CCDC190: variants seen among roughly 807,000 people sequenced by gnomAD.
CCDC190 encodes coiled-coil domain-containing protein 190.
A neutral mutation model predicts 13.1 loss-of-function variants in CCDC190; 10 were observed. That is an observed-to-expected ratio of 0.77 (90% CI 0.47 to 1.30). The LOEUF (loss-of-function observed/expected upper bound fraction) is 1.30, where lower values mean the gene tolerates loss of function less well. Ranked by LOEUF, CCDC190 falls within the 50% of genes most tolerant of loss-of-function variation. The pLI, the probability that CCDC190 is intolerant of heterozygous loss-of-function variation, is 0.00. For synonymous variants in CCDC190, 136 were observed against 127.2 expected, an observed-to-expected ratio of 1.07 and a Z score of -0.47; for missense variants, 375 against 354.3, an observed-to-expected ratio of 1.06 and a Z score of -0.47.
At chr1:162,865,735 T>A (rs932013954), upstream of CCDC190, among the ~76,000 whole-genome samples, 12 of 152,192 alleles carry the variant, frequency 7.9e-5, no homozygotes, top group African/African-American at 2.4e-4. Context: ...TTCATCAAAC[T>A]AGGAATAGAA....
chr1:162,854,573 C>T lies in CCDC190; in HGVS notation c.*192G>A. 1 of 1,358,638 alleles carries T rather than the reference C, an allele frequency of 7.4e-7. No homozygotes were observed. Among genetic ancestry groups the T allele is most frequent in the Non-Finnish European group, 9.5e-7 (1 of 1,057,914 alleles). 84.2% of individuals were successfully genotyped at this position (1,358,638 alleles called of 1,614,324 possible). A position where few individuals can be genotyped will look rare whatever the true frequency, so the allele number is the denominator to read the frequency against. On this transcript the variant is annotated 3_prime_UTR_variant, in exon 4 of 4. Transcript: ENST00000367912. Reference sequence around the variant, plus strand: ...AATATTTTCAGAAGATTCATTCTTCCTCTCCTTTTTCATATATTAGCATTG... The same window carrying T: ...AATATTTTCAGAAGATTCATTCTTCTTCTCCTTTTTCATATATTAGCATTG...
At chr1:162,862,796 G>C (rs1650566050), upstream of CCDC190, among the ~76,000 whole-genome samples, 1 of 152,170 alleles carries the variant, frequency 6.6e-6, no homozygotes, top group South Asian at 2.1e-4. Context: ...AAAGACAAGG[G>C]AGAGGAGGTA....
chr1:162,859,656 G>T lies in CCDC190; in HGVS notation c.-10C>A. ...CCATGTGCCTCTCCATCTTCTTTATGGTCTAGAGACAATAAGGTATCACAA... is the reference window on the plus strand; with the variant it reads ...CCATGTGCCTCTCCATCTTCTTTATTGTCTAGAGACAATAAGGTATCACAA... On this transcript the variant is annotated splice_region_variant and 5_prime_UTR_variant, in exon 2 of 4. Transcript: ENST00000367912. 6.2e-7 allele frequency: 1 copy of T among 1,609,010 alleles called. No homozygotes were observed. Among genetic ancestry groups the T allele is most frequent in the Non-Finnish European group, 8.5e-7 (1 of 1,177,622 alleles).
At chr1:162,861,533 T>C (rs1360010165), upstream of CCDC190, among the ~76,000 whole-genome samples, 1 of 152,162 alleles carries the variant, frequency 6.6e-6, no homozygotes, top group African/African-American at 2.4e-5. Flanking sequence ...CACCGTTTTT[T>C]CTGTCATGAC....
At chr1:162,859,393 G>T in intron 2 of CCDC190, 67 bp downstream of exon 2, 1 of 1,424,772 alleles carries the variant, frequency 7.0e-7, no homozygotes, top group East Asian at 2.3e-5. Context: ...GGGCCTCAGC[G>T]GAGTGATGGG....
chr1:162,861,254 C>A (rs1324480120), upstream of CCDC190, among the ~76,000 whole-genome samples: 1 of 152,164 alleles, frequency 6.6e-6, no homozygotes, highest in Non-Finnish European at 1.5e-5. Context: ...CCAATCCCTG[C>A]TGGAGAGGCC....
At position 162,858,408 on chromosome 1, in the gene CCDC190, G is replaced by T. The variant is rs537646211; in HGVS notation, c.187+1052C>A. 2.6e-5 allele frequency among the ~76,000 whole-genome samples: 4 copies of T among 152,312 alleles called. No homozygotes were observed. The South Asian group carries it at 8.3e-4, about 32-fold the overall frequency. On this transcript the variant is annotated intron_variant, in intron 2 of 3. Transcript: ENST00000367912. ...TTCCAGTATGTGAGCTCTCATTCTA[G>T]GTTGGTTTAACCATTTATTGCAGAC... is the stretch of plus-strand genomic sequence containing the variant.
chr1:162,852,899 C>G lies in CCDC190; in HGVS notation c.*1866G>C. ...TTGTGATGACGATAGGCAAGGCTTG[C>G]GTAGAAGACAAGAAGAAAGAACTTT... On this transcript the variant is annotated 3_prime_UTR_variant, in exon 4 of 4. Coordinates refer to ENST00000367912, the MANE Select transcript of CCDC190 (RefSeq NM_001394065.1). 1.8e-6 allele frequency: 1 copy of G among 555,658 alleles called. No individual in the cohort carries two copies. Among genetic ancestry groups the G allele is most frequent in the South Asian group, 2.3e-5 (1 of 43,404 alleles). The allele number at this position is 555,658 out of a possible 1,614,324, so 34.4% of individuals were successfully genotyped here. A position where few individuals can be genotyped will look rare whatever the true frequency, so the allele number is the denominator to read the frequency against.
intron 2 of CCDC190, among the ~76,000 whole-genome samples, chr1:162,856,933 C>G (rs568490958): frequency 6.6e-6 from 1 of 152,250 alleles, no homozygotes. Flanking sequence ...CCAGCAAGAT[C>G]TGTTTTCTGA....
rs370258122 is a variant in CCDC190, at chr1:162,855,763, G to A, written c.188-8C>T. 3 of 1,579,810 alleles carry A rather than the reference G, an allele frequency of 1.9e-6. No homozygotes were observed. Among genetic ancestry groups the A allele is most frequent in the Non-Finnish European group, 2.6e-6 (3 of 1,160,088 alleles). ...ACTTTTTCTTCATGGTTTCTGCTTT[G>A]AGTTAATTAAGAAGTGTTATGAGTT... On this transcript the variant is annotated splice_region_variant and splice_polypyrimidine_tract_variant and intron_variant, in intron 2 of 3. Coordinates refer to ENST00000367912, the MANE Select transcript of CCDC190 (RefSeq NM_001394065.1).
chr1:162,851,739 G>T lies in CCDC190; in HGVS notation c.*3026C>A, dbSNP rs1307868000. On this transcript the variant is annotated 3_prime_UTR_variant, in exon 4 of 4. Transcript: ENST00000367912. ...GATCATCTGTCCCCAGTACATCTCTGAATGAATGAATGAATGAATGAATGT... is the reference window on the plus strand; with the variant it reads ...GATCATCTGTCCCCAGTACATCTCTTAATGAATGAATGAATGAATGAATGT... The T allele has an allele frequency of 1.3e-5, 2 of 151,692 alleles. No homozygotes were observed. Among genetic ancestry groups the T allele is most frequent in the African/African-American group, 4.8e-5 (2 of 41,462 alleles). 9.4% of individuals were successfully genotyped at this position (151,692 alleles called of 1,614,324 possible). A position where few individuals can be genotyped will look rare whatever the true frequency, so the allele number is the denominator to read the frequency against.
Position 162,854,379 on chromosome 1 carries a change from A to G in CCDC190, c.*386T>C. Reference sequence around the variant, plus strand: ...ATTCCTATTCCTACCACTACTATATATCAAACTAAAACAGAGAGAATAGCT... The same window carrying G: ...ATTCCTATTCCTACCACTACTATATGTCAAACTAAAACAGAGAGAATAGCT... On this transcript the variant is annotated 3_prime_UTR_variant, in exon 4 of 4. Transcript: ENST00000367912. The G allele has an allele frequency of 2.9e-6, 3 of 1,019,092 alleles. No individual in the cohort carries two copies. The highest frequency in any genetic ancestry group is 3.5e-6 in the Non-Finnish European group (3 of 849,956). The allele number at this position is 1,019,092 out of a possible 1,614,324, so 63.1% of individuals were successfully genotyped here. A position where few individuals can be genotyped will look rare whatever the true frequency, so the allele number is the denominator to read the frequency against.
chr1:162,852,804 A>G lies in CCDC190; in HGVS notation c.*1961T>C. On this transcript the variant is annotated 3_prime_UTR_variant, in exon 4 of 4. Transcript: ENST00000367912. Reference sequence around the variant, plus strand: ...TGTGATGGCCCCTTCCCGCTGTGAGAGCTAGTACAGTGAAAAGACCCACTT... The same window carrying G: ...TGTGATGGCCCCTTCCCGCTGTGAGGGCTAGTACAGTGAAAAGACCCACTT... 1 of 319,824 alleles carries G rather than the reference A, an allele frequency of 3.1e-6. No individual in the cohort carries two copies. Among genetic ancestry groups the G allele is most frequent in the Non-Finnish European group, 5.9e-6 (1 of 170,182 alleles). 19.8% of individuals were successfully genotyped at this position (319,824 alleles called of 1,614,324 possible).
rs947526885 is a variant in CCDC190 at position 162,853,175 on chromosome 1, C to T, written c.*1590G>A. The T allele has an allele frequency of 9.1e-6, 14 of 1,538,028 alleles. No individual in the cohort carries two copies. The highest frequency in any genetic ancestry group is 1.2e-5 in the Non-Finnish European group (14 of 1,140,472). ...CCAGAGGCTGGGCTGATGAAACTGA[C>T]TCTCAAATGTTTGATCTAAGTTTTT... On this transcript the variant is annotated 3_prime_UTR_variant, in exon 4 of 4. Transcript: ENST00000367912.
chr1:162,868,321 A>G (rs1201385181), intron 1 of CCDC190, among the ~76,000 whole-genome samples: 1 of 152,260 alleles, frequency 6.6e-6, no homozygotes, highest in Non-Finnish European at 1.5e-5. Context: ...AATTCAAAGT[A>G]ACACAGCACA....
chr1:162,855,339 G>T lies in CCDC190; in HGVS notation c.332C>A (p.Ala111Asp). The T allele has an allele frequency of 6.2e-7, 1 of 1,604,880 alleles. No homozygotes were observed. Among genetic ancestry groups the T allele is most frequent in the Non-Finnish European group, 8.5e-7 (1 of 1,177,812 alleles). The part of the protein sequence containing the change: ...KKMRALATRM[A>D]QDTCKSKSQV... ...GGACTTGCTTTTGCATGTGTCTTGG[G>T]CCATACGGGTTGCCAATGCTCTGAG... Residue 111 changes from alanine to aspartate, a missense_variant, in exon 4 of 4, where the codon GCC (alanine) becomes GAC (aspartate). Transcript: ENST00000367912.
At chr1:162,857,390 C>T (rs181935050) in intron 2 of CCDC190, among the ~76,000 whole-genome samples, 12 of 152,350 alleles carry the variant, frequency 7.9e-5, no homozygotes, top group Non-Finnish European at 1.0e-4. Context: ...GAACTCTCAA[C>T]TCTTTTGCAA....
chr1:162,859,434 C>G, intron 2 of CCDC190, 26 bp downstream of exon 2: 2 of 1,603,530 alleles, frequency 1.2e-6, no homozygotes, highest in Non-Finnish European at 1.7e-6. Flanking sequence ...CTGGGGCATC[C>G]TCCTCACCAG....
intron 1 of CCDC190, among the ~76,000 whole-genome samples, chr1:162,867,835 G>A (rs903599850): frequency 3.3e-5 from 5 of 152,200 alleles, no homozygotes; most frequent in African/African-American, 4.8e-5. Context: ...GGATAGAAAA[G>A]AGAAGTGGAT....
Sources: gnomAD v4.1 joint callset for allele counts (sites outside exome capture counted in the v4.1 genomes callset) on GRCh38, gnomAD v4.1.1 for gene constraint, MANE v1.5 for transcripts, NCBI Gene and HGNC (gene_info 2026-07-23, HGNC 2026-07-21) for gene names.